The following MDGA2 variants were observed in gnomAD, a reference collection of about 807,000 sequenced individuals.
The protein encoded by MDGA2 is MAM domain-containing glycosylphosphatidylinositol anchor protein 2.
Under a neutral mutation model 117.8 loss-of-function variants are expected in MDGA2, and 40 were observed. The ratio of observed to expected loss-of-function variants is 0.34; its 90% confidence interval spans 0.26 to 0.44. The LOEUF is 0.44. Among genes scored for constraint, MDGA2 ranks in the 20% least tolerant of loss-of-function variants. MDGA2 has a pLI of 1.00. For missense variants in MDGA2, 1,123 were observed against 1,250.6 expected (o/e 0.90, Z 1.54); for synonymous variants, 452 against 439.0 (o/e 1.03, Z -0.37).
chr14:47,144,037 C>T (rs1386098469), intron 4 of MDGA2, 41 bp downstream of exon 4: 2 of 1,400,720 alleles, frequency 1.4e-6, no homozygotes, highest in South Asian at 2.9e-5. Flanking sequence ...AGGAAAGTAT[C>T]CTAGCAGAGT....
At chr14:47,183,157 TATC>T (rs1410417374) in intron 3 of MDGA2, among the ~76,000 whole-genome samples, 1 of 152,098 alleles carries the variant, frequency 6.6e-6, no homozygotes, top group East Asian at 1.9e-4. Flanking sequence ...CAGGGAACTG[TATC>T]ATCATCTATC....
At chr14:47,347,079 T>C (rs1034845316) in intron 1 of MDGA2, among the ~76,000 whole-genome samples, 10 of 152,100 alleles carry the variant, frequency 6.6e-5, no homozygotes, top group Non-Finnish European at 7.4e-5. Flanking sequence ...CTAAAGTATA[T>C]AAAACAAGGA....
At position 46,841,934 on chromosome 14, in the gene MDGA2, C is replaced by A; in HGVS notation, c.3075G>T (p.Arg1025Ser). Residue 1025 changes from arginine (R) to serine (S), a missense_variant, in exon 17 of 17, where the codon AGG (arginine) becomes AGT (serine). Around this residue, in one of 2 missense-constraint regions of MDGA2, gnomAD observed 890 missense variants for 1,050.3 expected, o/e 0.85. Transcript: ENST00000399232. ...TATAGCCTCTGCCAGGATAAGGTCA[C>A]CTTCGAGGACTTAAGATAGAGATGA... ...IVLISILSPR[R>S] 1 of 1,606,036 alleles carries A rather than the reference C, an allele frequency of 6.2e-7. No homozygotes were observed. Among genetic ancestry groups the A allele is most frequent in the East Asian group, 2.2e-5 (1 of 44,644 alleles).
In MDGA2 at chr14:47,391,506, G is replaced by A. The variant is rs190297822; in HGVS notation, c.281-89956C>T. Among the ~76,000 whole-genome samples, 669 of 152,250 alleles carry A rather than the reference G, an allele frequency of 4.4e-3. 4 individuals carry two copies. The highest frequency in any genetic ancestry group is 6.5e-3 in the Non-Finnish European group (440 of 68,008). On this transcript the variant is annotated intron_variant, in intron 1 of 16. Coordinates refer to ENST00000399232, the MANE Select transcript of MDGA2 (RefSeq NM_001113498.3). ...CAGCCATTAGCACTCTGTGGATGCC[G>A]GTTAGTCGGCCTTCCCTGGTTATAT...
intron 14 of MDGA2, among the ~76,000 whole-genome samples, chr14:46,867,140 C>G (rs1163052726): frequency 6.6e-6 from 1 of 152,138 alleles, no homozygotes; most frequent in Non-Finnish European, 1.5e-5. Flanking sequence ...TTGGAACCAA[C>G]CCAAATGTCC....
In MDGA2 at chr14:47,052,733, T is replaced by A. The variant is rs552124485; in HGVS notation, c.1525+8516A>T. On this transcript the variant is annotated intron_variant, in intron 7 of 16. Coordinates refer to ENST00000399232, the MANE Select transcript of MDGA2 (RefSeq NM_001113498.3). ...ATGGTCTTCTTGAAAAGAGGATTCA[T>A]ATAATTGTCACCTTCTATGAGTGTC... Among the ~76,000 whole-genome samples the A allele has an allele frequency of 5.3e-5, 8 of 152,066 alleles. No homozygotes were observed. In the South Asian group the frequency reaches 1.7e-3, roughly 32 times the overall value.
chr14:47,597,691 C>T (rs1896569262), intron 1 of MDGA2, among the ~76,000 whole-genome samples: 1 of 151,950 alleles, frequency 6.6e-6, no homozygotes, highest in Admixed American at 6.6e-5. Context: ...ATTATTATAA[C>T]AACTTTAAAA....
At chr14:47,669,402 C>T (rs948609483) in intron 1 of MDGA2, among the ~76,000 whole-genome samples, 1 of 152,154 alleles carries the variant, frequency 6.6e-6, no homozygotes, top group African/African-American at 2.4e-5. Context: ...CTCTCACTGA[C>T]TTATTCATTG....
chr14:47,296,600 T>A (rs1207992032), intron 2 of MDGA2, among the ~76,000 whole-genome samples: 1 of 152,198 alleles, frequency 6.6e-6, no homozygotes, highest in Non-Finnish European at 1.5e-5. Context: ...TGTAATTTAC[T>A]TTCTTGAATC....
At chr14:47,498,616 A>G (rs17118804) in intron 1 of MDGA2, among the ~76,000 whole-genome samples, 6,862 of 152,244 alleles carry the variant, frequency 0.045, 526 homozygotes, top group African/African-American at 0.16. Flanking sequence ...CAAAGGTTAT[A>G]TTTCTAACAC....
intron 1 of MDGA2, among the ~76,000 whole-genome samples, chr14:47,626,057 T>C (rs1237914548): frequency 6.6e-6 from 1 of 152,194 alleles, no homozygotes; most frequent in Non-Finnish European, 1.5e-5. Flanking sequence ...GACTCACTCA[T>C]ACTTAAGTCT....
At chr14:46,991,253 ATTTC>A (rs1363088472) in intron 8 of MDGA2, among the ~76,000 whole-genome samples, 1 of 152,148 alleles carries the variant, frequency 6.6e-6, no homozygotes, top group African/African-American at 2.4e-5. Context: ...TAGAAAGGTC[ATTTC>A]CTGAGGATTA....
chr14:46,987,927 TG>T (rs60295575), intron 8 of MDGA2, among the ~76,000 whole-genome samples: 4,151 of 93,596 alleles, frequency 0.044, 181 homozygotes, highest in African/African-American at 0.15. Flanking sequence ...TATTCTGGGG[TG>T]GGGGGGGGTG....
chr14:47,535,810 A>C (rs1365486685), intron 1 of MDGA2, among the ~76,000 whole-genome samples: 3 of 152,234 alleles, frequency 2.0e-5, no homozygotes, highest in Non-Finnish European at 4.4e-5. Flanking sequence ...AATTTTAGAC[A>C]CAAATGTGAT....
intron 1 of MDGA2, among the ~76,000 whole-genome samples, chr14:47,525,613 A>C (rs1229240050): frequency 1.3e-5 from 2 of 152,132 alleles, no homozygotes; most frequent in African/African-American, 4.8e-5. Flanking sequence ...TGAACCCGGA[A>C]GGCAGAGGTT....
Position 47,101,075 on chromosome 14 carries a change from C to CGATAGATAGATA in MDGA2, c.926-3964_926-3953dup, listed in dbSNP as rs57541385. On this transcript the variant is annotated intron_variant, in intron 5 of 16. Transcript: ENST00000399232. The stretch of plus-strand genomic sequence containing the variant: ...TGGGGATACTTGATGAATGGAGGGA[C>CGATAGATAGATA]GATAGATAGATAGATAGATAGATAG... Among the ~76,000 whole-genome samples, 726 of 140,214 alleles carry CGATAGATAGATA rather than the reference C, an allele frequency of 5.2e-3. 2 individuals are homozygous for CGATAGATAGATA. Among genetic ancestry groups the CGATAGATAGATA allele is most frequent in the Admixed American group, 7.5e-3 (104 of 13,830 alleles). 92.0% of individuals were successfully genotyped at this position (140,214 alleles called of 152,430 possible).
chr14:47,538,843 T>C (rs150588679), intron 1 of MDGA2, among the ~76,000 whole-genome samples: 6 of 152,308 alleles, frequency 3.9e-5, no homozygotes, highest in East Asian at 1.9e-4. Flanking sequence ...CACGTATGCA[T>C]ACACATATTC....
At chr14:47,320,506 C>T (rs1233546263) in intron 1 of MDGA2, among the ~76,000 whole-genome samples, 1 of 151,896 alleles carries the variant, frequency 6.6e-6, no homozygotes, top group Non-Finnish European at 1.5e-5. Flanking sequence ...ATACATCTAC[C>T]TATCCTTCCT....
rs188737888 is a variant in MDGA2 at position 47,084,415 on chromosome 14, C to T, written c.1195+12439G>A. Among the ~76,000 whole-genome samples the T allele has an allele frequency of 3.5e-4, 53 of 150,902 alleles. No homozygotes were observed. The East Asian group carries it at 4.1e-3, about 12-fold the overall frequency. On this transcript the variant is annotated intron_variant, in intron 6 of 16. Coordinates refer to ENST00000399232, the MANE Select transcript of MDGA2 (RefSeq NM_001113498.3). ...AGTGCTGAGAGGGAAATTTGCACTG[C>T]TAAATGCCTACAGTAAAAAAGAAGA...
Sources: gnomAD v4.1 joint callset for allele counts (sites outside exome capture counted in the v4.1 genomes callset) on GRCh38, gnomAD v4.1.1 for gene constraint, gnomAD v4.1.1 regional missense constraint, MANE v1.5 for transcripts, NCBI Gene and HGNC (gene_info 2026-07-23, HGNC 2026-07-21) for gene names.